Variants in SFXN4 observed in about 807,000 individuals in gnomAD.
SFXN4 encodes sideroflexin-4.
SFXN4 carries 48 observed loss-of-function variants against 54.6 expected under a neutral mutation model. The ratio of observed to expected loss-of-function variants is 0.88; its 90% CI spans 0.70 to 1.12. The LOEUF is 1.12. Ranked by LOEUF, SFXN4 falls within the 50% of genes most tolerant of loss-of-function variation. The probability of loss-of-function intolerance (pLI) is 0.00; values close to 1 mark genes in which losing one functional copy is unlikely to be tolerated. For missense variants in SFXN4, 383 were observed against 409.2 expected (o/e 0.94, Z 0.55); for synonymous variants, 130 against 145.5 (o/e 0.89, Z 0.77).
At chr10:119,154,526 G>C (rs894360358) in intron 11 of SFXN4, among the ~76,000 whole-genome samples, 2 of 152,088 alleles carry the variant, frequency 1.3e-5, no homozygotes, top group Admixed American at 1.3e-4. Context: ...CTTTTCTTTT[G>C]AGAGATTTCA....
intron 13 of SFXN4, among the ~76,000 whole-genome samples, chr10:119,143,170 G>A (rs2133563720): frequency 6.6e-6 from 1 of 152,212 alleles, no homozygotes; most frequent in African/African-American, 2.4e-5. Context: ...CTGCTGCCCT[G>A]CTCCTTGGCC....
intron 13 of SFXN4, among the ~76,000 whole-genome samples, chr10:119,145,155 G>A (rs1369767385): frequency 6.6e-6 from 1 of 151,844 alleles, no homozygotes; most frequent in African/African-American, 2.4e-5. Context: ...CTTATATACT[G>A]TTTCCCCCTC....
At position 119,157,699 on chromosome 10, in the gene SFXN4, G is replaced by A. The variant is rs374603053; in HGVS notation, c.506C>T (p.Ala169Val). 1.7e-5 allele frequency: 28 copies of A among 1,607,780 alleles called. No individual in the cohort carries two copies. In the African/African-American group the frequency reaches 2.1e-4, roughly 12 times the overall value. ...CKPLERSLLM[A>V]GAVASSTFLG... ...GAAAGTTGAAGAAGCAACGGCTCCC[G>A]CCATTAGTAATGATCTTTCTAGTGG... The change falls in exon 9 of 14, where the codon GCG (alanine) becomes GTG (valine). Residue 169 changes from alanine (A) to valine (V), a missense_variant. Ala to Val is a moderately conservative substitution (Grantham distance 64). Transcript: ENST00000355697.
intron 11 of SFXN4, among the ~76,000 whole-genome samples, chr10:119,154,635 C>T: frequency 6.6e-6 from 1 of 152,156 alleles, no homozygotes; most frequent in East Asian, 1.9e-4. Context: ...AGTTCGAGAC[C>T]AGCCTGGCCA....
chr10:119,143,997 C>G (rs1342161279), intron 13 of SFXN4, among the ~76,000 whole-genome samples: 1 of 152,202 alleles, frequency 6.6e-6, no homozygotes, highest in African/African-American at 2.4e-5. Context: ...CTAAAATAAT[C>G]TGAAACTTCT....
intron 1 of SFXN4, 148 bp downstream of exon 1, chr10:119,165,389 G>A: frequency 6.8e-6 from 9 of 1,332,092 alleles, no homozygotes; most frequent in Non-Finnish European, 8.6e-6. Flanking sequence ...GAAGGCCGGT[G>A]GTGCGCGTTC....
chr10:119,162,490 G>A, intron 2 of SFXN4, 76 bp from the exon 3 acceptor site: 1 of 1,250,162 alleles, frequency 8.0e-7, no homozygotes, highest in Non-Finnish European at 1.2e-6. Flanking sequence ...GGAATCACCA[G>A]CTCACTCACC....
At chr10:119,151,688 G>T (rs1436899221) in intron 11 of SFXN4, among the ~76,000 whole-genome samples, 1 of 151,080 alleles carries the variant, frequency 6.6e-6, no homozygotes, top group Non-Finnish European at 1.5e-5. Context: ...GCTAATTTTG[G>T]TATTTTTAGT....
At chr10:119,141,897 A>C (rs1846540757) in intron 13 of SFXN4, among the ~76,000 whole-genome samples, 1 of 152,110 alleles carries the variant, frequency 6.6e-6, no homozygotes, top group South Asian at 2.1e-4. Flanking sequence ...ACACACCTGT[A>C]ATCCCAGCTA....
intron 2 of SFXN4, 56 bp downstream of exon 2, chr10:119,164,075 G>C: frequency 1.9e-5 from 13 of 669,918 alleles, no homozygotes; most frequent in African/African-American, 4.1e-5. Flanking sequence ...GGGACACACA[G>C]ACTTCAAGTT....
intron 10 of SFXN4, among the ~76,000 whole-genome samples, chr10:119,156,414 G>A (rs967801209): frequency 6.6e-5 from 10 of 152,206 alleles, no homozygotes; most frequent in Non-Finnish European, 1.3e-4. Context: ...GGGTGACAGA[G>A]CAAGACTCCG....
intron 12 of SFXN4, 111 bp from the exon 13 acceptor site, chr10:119,146,464 C>CTGTGTGTGTGTGT (rs1554885845): frequency 2.1e-6 from 1 of 486,524 alleles, no homozygotes; most frequent in East Asian, 3.4e-5. Flanking sequence ...TGTGTGTGCA[C>CTGTGTGTGTGTGT]GTGTGTGTGT....
At chr10:119,150,549 G>A (rs1018166362) in intron 11 of SFXN4, among the ~76,000 whole-genome samples, 1 of 151,972 alleles carries the variant, frequency 6.6e-6, no homozygotes, top group African/African-American at 2.4e-5. Flanking sequence ...ATGTATGGCG[G>A]TGCACACTAC....
rs145133185 is a variant in SFXN4, at chr10:119,140,850, C to A, written c.*392G>T. ...GGGCGTAAACAGCGCCCCAGGGGTA[C>A]GTGTTCCGCTTGAGACGGCCTATCC... On this transcript the variant is annotated 3_prime_UTR_variant, in exon 14 of 14. Coordinates refer to ENST00000355697, the MANE Select transcript of SFXN4 (RefSeq NM_213649.2). The A allele has an allele frequency of 6.1e-6, 1 of 165,058 alleles. No individual in the cohort carries two copies. Among genetic ancestry groups the A allele is most frequent in the Non-Finnish European group, 1.3e-5 (1 of 76,406 alleles). The allele number at this position is 165,058 out of a possible 1,614,324, so 10.2% of individuals were successfully genotyped here. A position where few individuals can be genotyped will look rare whatever the true frequency, so the allele number is the denominator to read the frequency against.
intron 11 of SFXN4, among the ~76,000 whole-genome samples, chr10:119,152,089 A>T (rs1269350594): frequency 1.3e-5 from 2 of 151,750 alleles, no homozygotes; most frequent in African/African-American, 4.8e-5. Context: ...GATTACAGGC[A>T]TGAGTGAGCC....
At chr10:119,160,841 C>T (rs1847498341) in intron 5 of SFXN4, 74 bp downstream of exon 5, 2 of 1,478,272 alleles carry the variant, frequency 1.4e-6, no homozygotes, top group African/African-American at 1.4e-5. Context: ...CCCAGGTGAT[C>T]CGGCAGGCAG....
chr10:119,164,106 C>G (rs376551548), intron 2 of SFXN4, 25 bp downstream of exon 2: 5 of 1,015,864 alleles, frequency 4.9e-6, no homozygotes, highest in Non-Finnish European at 5.8e-6. Context: ...ATGTGAAATT[C>G]ATTAGCTCTG....
intron 11 of SFXN4, among the ~76,000 whole-genome samples, chr10:119,154,269 T>C (rs1205279041): frequency 6.6e-6 from 1 of 152,190 alleles, no homozygotes; most frequent in African/African-American, 2.4e-5. Context: ...AAACTGAGGT[T>C]TCCCAAAGAA....
intron 11 of SFXN4, among the ~76,000 whole-genome samples, chr10:119,148,349 T>C (rs1275628109): frequency 6.6e-6 from 1 of 152,158 alleles, no homozygotes; most frequent in East Asian, 1.9e-4. Flanking sequence ...GGCTGCACTT[T>C]GTGCCAGAAA....
Sources: allele counts gnomAD v4.1 joint callset (sites outside exome capture counted in the v4.1 genomes callset), GRCh38; gene constraint gnomAD v4.1.1; transcripts MANE v1.5; gene names NCBI Gene and HGNC (gene_info 2026-07-23, HGNC 2026-07-21).